Variants in HACD2 observed in about 807,000 individuals in gnomAD.
HACD2 encodes the protein 3-hydroxyacyl-CoA dehydratase 2.
HACD2 carries 15 observed loss-of-function variants against 31.0 expected under a neutral mutation model. The ratio of observed to expected loss-of-function variants is 0.48; its 90% CI spans 0.32 to 0.75. The LOEUF (loss-of-function observed/expected upper bound fraction) is 0.75, where lower values mean the gene tolerates loss of function less well. HACD2 is among the 30% of genes least tolerant of loss of function. The pLI, the probability that HACD2 is intolerant of heterozygous loss-of-function variation, is 0.03. For synonymous variants in HACD2, 115 were observed against 122.2 expected (o/e 0.94, Z 0.39); for missense variants, 283 against 313.0 (o/e 0.90, Z 0.72).
At chr3:123,509,035 G>A (rs1215708481) in intron 4 of HACD2, among the ~76,000 whole-genome samples, 3 of 152,038 alleles carry the variant, frequency 2.0e-5, no homozygotes, top group Non-Finnish European at 4.4e-5. Flanking sequence ...AAATACCATC[G>A]CGCTGGGGGT....
rs546921613 is a variant in HACD2 at position 123,561,984 on chromosome 3, G to A, written c.292+5778C>T. ...CTGCCACCATGTCCAGCTAATTTTT[G>A]TACTTTTTGTAGAGACAGGGTTTCA... On this transcript the variant is annotated intron_variant, in intron 3 of 6. Coordinates refer to ENST00000383657, the MANE Select transcript of HACD2 (RefSeq NM_198402.5). Among the ~76,000 whole-genome samples the A allele has an allele frequency of 1.6e-4, 24 of 152,144 alleles. 1 individual carries two copies. In the South Asian group the frequency reaches 5.0e-3, roughly 32 times the overall value.
Position 123,582,264 on chromosome 3 carries a change from TA to T in HACD2, c.220del (p.Tyr74IlefsTer8). On this transcript the variant is annotated frameshift_variant, in exon 2 of 7. Coordinates refer to ENST00000383657, the MANE Select transcript of HACD2 (RefSeq NM_198402.5). LOFTEE classifies it high-confidence loss of function. ...YLAKGSYHSLYYSIEKPLKFF... is the reference protein window; with the variant it reads ...YLAKGSYHSLXYSIEKPLKFF... Reference sequence around the variant, plus strand: ...TTTCAAAGGCTTTTCAATTGAATAATAAAGGCTATGGTAGCTACCCTTAGCC... The same window carrying T: ...TTTCAAAGGCTTTTCAATTGAATAATAAGGCTATGGTAGCTACCCTTAGCC... 6.2e-7 allele frequency: 1 copy of T among 1,608,988 alleles called. No individual in the cohort carries two copies.
At chr3:123,498,625 G>A (rs146942374) in intron 6 of HACD2, among the ~76,000 whole-genome samples, 7 of 152,342 alleles carry the variant, frequency 4.6e-5, no homozygotes, top group Admixed American at 2.0e-4. Flanking sequence ...ATCTAAGGTA[G>A]AACAGTTTCA....
Position 123,491,626 on chromosome 3 carries a change from T to C in HACD2, c.*3262A>G, listed in dbSNP as rs1412216470. 1 of 152,638 alleles carries C rather than the reference T, an allele frequency of 6.6e-6. No individual in the cohort carries two copies. The highest frequency in any genetic ancestry group is 6.5e-5 in the Admixed American group (1 of 15,288). The allele number at this position is 152,638 out of a possible 1,614,324, so 9.5% of individuals were successfully genotyped here. Reference sequence around the variant, plus strand: ...CAGATCAGTATTTTATGAATACAACTTATTACTACATTATCAGGTAAAAAC... The same window carrying C: ...CAGATCAGTATTTTATGAATACAACCTATTACTACATTATCAGGTAAAAAC... On this transcript the variant is annotated 3_prime_UTR_variant, in exon 7 of 7. Transcript: ENST00000383657.
At chr3:123,555,105 C>A (rs937562284) in intron 3 of HACD2, among the ~76,000 whole-genome samples, 2 of 151,956 alleles carry the variant, frequency 1.3e-5, no homozygotes, top group South Asian at 2.1e-4. Flanking sequence ...GAATTTTATA[C>A]CCTGATAGTA....
At chr3:123,509,502 C>CT (rs10709116) in intron 4 of HACD2, among the ~76,000 whole-genome samples, 2 of 93,496 alleles carry the variant, frequency 2.1e-5, no homozygotes, top group African/African-American at 5.8e-5. Context: ...CCTGTGACTT[C>CT]TTTTTTTTTT....
intron 3 of HACD2, among the ~76,000 whole-genome samples, chr3:123,538,735 TGTGA>T (rs2056454781): frequency 6.6e-6 from 1 of 152,218 alleles, no homozygotes; most frequent in East Asian, 1.9e-4. Flanking sequence ...CATTTTACGA[TGTGA>T]GTATGTGCAC....
chr3:123,518,991 C>T (rs1376536847), intron 4 of HACD2, among the ~76,000 whole-genome samples: 2 of 94,794 alleles, frequency 2.1e-5, no homozygotes, highest in Non-Finnish European at 4.0e-5. Flanking sequence ...AGTGAGACTC[C>T]AACTAAAAAA....
rs2055770669 is a variant in HACD2, at chr3:123,492,092, T to C, written c.*2796A>G. On this transcript the variant is annotated 3_prime_UTR_variant, in exon 7 of 7. Coordinates refer to ENST00000383657, the MANE Select transcript of HACD2 (RefSeq NM_198402.5). ...TCTGCAAGGACAGTGCTTTATTCCA[T>C]GACTAACTCTCCATGGTGCCTCTGG... 6.6e-6 allele frequency: 1 copy of C among 152,206 alleles called. No homozygotes were observed. Among genetic ancestry groups the C allele is most frequent in the African/African-American group, 2.4e-5 (1 of 41,452 alleles). 9.4% of individuals were successfully genotyped at this position (152,206 alleles called of 1,614,324 possible).
intron 4 of HACD2, among the ~76,000 whole-genome samples, chr3:123,526,022 C>T (rs73188546): frequency 0.16 from 24,258 of 152,156 alleles, 2,109 homozygotes; most frequent in Non-Finnish European, 0.2. Context: ...AGAGAAGGGT[C>T]CAGGGAACAG....
chr3:123,539,492 C>T (rs1283185450), intron 3 of HACD2, among the ~76,000 whole-genome samples: 2 of 151,720 alleles, frequency 1.3e-5, no homozygotes, highest in South Asian at 2.1e-4. Flanking sequence ...ATCACTTGAA[C>T]CCAGGAGGGC....
chr3:123,565,012 C>T (rs1472086146), intron 3 of HACD2, among the ~76,000 whole-genome samples: 1 of 152,108 alleles, frequency 6.6e-6, no homozygotes, highest in Non-Finnish European at 1.5e-5. Context: ...ATGGACTATA[C>T]CAGAGGAACT....
chr3:123,524,216 T>C (rs2056251173), intron 4 of HACD2, among the ~76,000 whole-genome samples: 1 of 152,160 alleles, frequency 6.6e-6, no homozygotes, highest in African/African-American at 2.4e-5. Context: ...ACCTTGGAAT[T>C]CTTAAAATTA....
chr3:123,494,924 G>T lies in HACD2; in HGVS notation c.729C>A (p.Ile243=). ...TCTTGTGTTCTTCAGTATGAGAAAG[G>T]ATCTTTCTTCTCTGGTGTATCATGT... ...YFHMIHQRRK[I]LSHTEEHKKF... Residue 243 remains isoleucine, a synonymous_variant, in exon 7 of 7, where the codon ATC becomes ATA. Transcript: ENST00000383657. 6.4e-7 allele frequency: 1 copy of T among 1,561,302 alleles called. No homozygotes were observed. Among genetic ancestry groups the T allele is most frequent in the East Asian group, 2.4e-5 (1 of 42,436 alleles).
At chr3:123,502,845 G>C (rs911904991) in intron 4 of HACD2, 164 bp from the exon 5 acceptor site, 8 of 646,668 alleles carry the variant, frequency 1.2e-5, no homozygotes, top group Non-Finnish European at 2.1e-5. Context: ...TGGGGCCTAG[G>C]ATGACAGCTG....
At chr3:123,543,309 A>C (rs1268058588) in intron 3 of HACD2, among the ~76,000 whole-genome samples, 1 of 152,194 alleles carries the variant, frequency 6.6e-6, no homozygotes, top group African/African-American at 2.4e-5. Context: ...GAAACCAATA[A>C]AACACATTTT....
At position 123,505,315 on chromosome 3, in the gene HACD2, A is replaced by G. The variant is rs145435346; in HGVS notation, c.382-2634T>C. Among the ~76,000 whole-genome samples the G allele has an allele frequency of 2.6e-5, 4 of 152,336 alleles. No individual in the cohort carries two copies. The East Asian group carries it at 7.7e-4, about 29-fold the overall frequency. On this transcript the variant is annotated intron_variant, in intron 4 of 6. Transcript: ENST00000383657. ...GGAGTTCCAGTTTGGGAGGATTAAA[A>G]AAGTTCTGGAGATGGATGGTGATGA...
intron 4 of HACD2, among the ~76,000 whole-genome samples, chr3:123,503,207 G>A (rs1044759243): frequency 3.3e-5 from 5 of 151,532 alleles, no homozygotes; most frequent in Non-Finnish European, 5.9e-5. Flanking sequence ...GGAGTTTGCA[G>A]TGAGCCGAGA....
chr3:123,541,818 T>C (rs985603148), intron 3 of HACD2, among the ~76,000 whole-genome samples: 3 of 152,170 alleles, frequency 2.0e-5, no homozygotes, highest in African/African-American at 7.2e-5. Context: ...GCAACCAATG[T>C]TTGAAATGTT....
Sources: allele counts gnomAD v4.1 joint callset (sites outside exome capture counted in the v4.1 genomes callset), GRCh38; gene constraint gnomAD v4.1.1; transcripts MANE v1.5; gene names NCBI Gene and HGNC (gene_info 2026-07-23, HGNC 2026-07-21).